SH2B3: variants seen among roughly 807,000 people sequenced by gnomAD.
SH2B3 encodes the protein SH2B adapter protein 3.
SH2B3 carries 43 observed loss-of-function variants against 51.9 expected under a neutral mutation model. That is an observed-to-expected ratio of 0.83 (90% confidence interval 0.65 to 1.07). SH2B3 has a LOEUF of 1.07. Ranked by LOEUF, SH2B3 falls within the 50% of genes least tolerant of loss-of-function variation. SH2B3 has a pLI of 0.00. For missense variants in SH2B3, 952 were observed against 834.3 expected, an observed-to-expected ratio of 1.14 and a Z score of -1.74; for synonymous variants, 396 against 376.0, an observed-to-expected ratio of 1.05 and a Z score of -0.62.
chr12:111,447,695 G>C lies in SH2B3; in HGVS notation c.1276G>C (p.Val426Leu), dbSNP rs765012848. 3 of 1,613,650 alleles carry C rather than the reference G, an allele frequency of 1.9e-6. No homozygotes were observed. Among genetic ancestry groups the C allele is most frequent in the Non-Finnish European group, 8.5e-7 (1 of 1,179,912 alleles). Residue 426 changes from valine (V) to leucine (L), a missense_variant, in exon 7 of 8, where the codon GTG becomes CTG. Val to Leu is a conservative substitution (Grantham distance 32, BLOSUM62 1). Coordinates refer to ENST00000341259, the MANE Select transcript of SH2B3 (RefSeq NM_005475.3). ...GCTGACAGAGCGGGGCCAGTGCCGT[G>C]TGCAGCACCTCCACTTTCCCTCGGT... ...LSLTERGQCR[V>L]QHLHFPSVVD... is the part of the protein sequence containing the mutation.
chr12:111,408,871 G>A (rs993231010), intron 1 of SH2B3, among the ~76,000 whole-genome samples: 4 of 152,216 alleles, frequency 2.6e-5, no homozygotes, highest in African/African-American at 9.7e-5. Flanking sequence ...ATCTGTGAAA[G>A]GCTTTAACAG....
intron 1 of SH2B3, among the ~76,000 whole-genome samples, chr12:111,417,098 G>A (rs1287552351): frequency 1.3e-5 from 2 of 152,192 alleles, no homozygotes; most frequent in African/African-American, 2.4e-5. Context: ...TAGCCCTGGA[G>A]CTCTCCCAGA....
chr12:111,421,706 C>A (rs1190096678), intron 2 of SH2B3, among the ~76,000 whole-genome samples: 3 of 152,096 alleles, frequency 2.0e-5, no homozygotes, highest in Non-Finnish European at 2.9e-5. Flanking sequence ...CATGAGCCAC[C>A]ACGCCCAGCC....
chr12:111,418,805 G>A lies in SH2B3; in HGVS notation c.660G>A (p.Gly220=), dbSNP rs1158225141. 2 of 1,445,168 alleles carry A rather than the reference G, an allele frequency of 1.4e-6. No homozygotes were observed. Among genetic ancestry groups the A allele is most frequent in the Non-Finnish European group, 9.0e-7 (1 of 1,110,686 alleles). The allele number at this position is 1,445,168 out of a possible 1,614,324, so 89.5% of individuals were successfully genotyped here. Residue 220 remains glycine (G), a synonymous_variant, in exon 2 of 8, where the codon GGG becomes GGA. Coordinates refer to ENST00000341259, the MANE Select transcript of SH2B3 (RefSeq NM_005475.3). This position sits in a 1 kb window ranked among gnomAD's most constrained non-coding sequence, Gnocchi z 6.7. The part of the protein sequence containing the change: ...SMDSGARWQR[G]RLALRRAPGP... ...ACAGCGGGGCACGCTGGCAGCGCGG[G>A]AGGCTGGCGCTGCGCCGGGCCCCGG... is the stretch of plus-strand genomic sequence containing the variant.
chr12:111,429,708 G>T lies in SH2B3; in HGVS notation c.732+10831G>T, dbSNP rs994871759. 1.3e-5 allele frequency among the ~76,000 whole-genome samples: 2 copies of T among 152,170 alleles called. No individual in the cohort carries two copies. The highest frequency in any genetic ancestry group is 2.9e-5 in the Non-Finnish European group (2 of 68,030). The stretch of plus-strand genomic sequence containing the variant: ...CCATGGAATCCTTATCACAAACCCC[G>T]GAGGTGGGGACAGTGATGAAGCCAT... On this transcript the variant is annotated intron_variant, in intron 2 of 7. Transcript: ENST00000341259. This position sits in a 1 kb window ranked among gnomAD's most constrained non-coding sequence, Gnocchi z 4.4.
Position 111,449,559 on chromosome 12 carries a change from C to CTCTA in SH2B3, c.*1263_*1266dup, listed in dbSNP as rs143559288. 187 of 152,396 alleles carry CTCTA rather than the reference C, an allele frequency of 1.2e-3. No individual in the cohort carries two copies. Among genetic ancestry groups the CTCTA allele is most frequent in the African/African-American group, 4.3e-3 (179 of 41,570 alleles). The allele number at this position is 152,396 out of a possible 1,614,324, so 9.4% of individuals were successfully genotyped here. A position where few individuals can be genotyped will look rare whatever the true frequency, so the allele number is the denominator to read the frequency against. On this transcript the variant is annotated 3_prime_UTR_variant, in exon 8 of 8. Transcript: ENST00000341259. ...ATCCAGGGAGGTCCTGAAGTCAAAT[C>CTCTA]TCTATCTATACAAGTGATACAATTC... is the stretch of plus-strand genomic sequence containing the variant.
At chr12:111,421,860 C>G (rs550118202) in intron 2 of SH2B3, among the ~76,000 whole-genome samples, 1 of 152,322 alleles carries the variant, frequency 6.6e-6, no homozygotes, top group Non-Finnish European at 1.5e-5. Flanking sequence ...AAGTTTGCAT[C>G]TAAGTCTAAA....
At chr12:111,440,268 C>A (rs1873279250) in intron 2 of SH2B3, among the ~76,000 whole-genome samples, 1 of 152,224 alleles carries the variant, frequency 6.6e-6, no homozygotes, top group African/African-American at 2.4e-5. Context: ...CCACGTGAGG[C>A]TCACACACAC....
At chr12:111,408,082 T>G (rs1870388533) in intron 1 of SH2B3, among the ~76,000 whole-genome samples, 1 of 152,202 alleles carries the variant, frequency 6.6e-6, no homozygotes, top group South Asian at 2.1e-4. Context: ...TTATTGGCTA[T>G]GAGGTGTTCC....
intron 2 of SH2B3, chr12:111,444,953 T>C: frequency 1.2e-6 from 1 of 867,560 alleles, no homozygotes. Flanking sequence ...CTGTGGGGAG[T>C]TGGGGAAGAA....
At chr12:111,445,579 G>A (rs560498776) in intron 2 of SH2B3, among the ~76,000 whole-genome samples, 1 of 152,334 alleles carries the variant, frequency 6.6e-6, no homozygotes, top group Admixed American at 6.5e-5. Flanking sequence ...GTGAGCTGTG[G>A]CCAGTGTTGG....
intron 1 of SH2B3, among the ~76,000 whole-genome samples, chr12:111,412,682 G>A (rs544475759): frequency 8.5e-5 from 13 of 152,240 alleles, no homozygotes; most frequent in South Asian, 2.1e-4. Flanking sequence ...CAGTCTTCCC[G>A]CCTCAGCCTC....
rs1874388422 is a variant in SH2B3 at position 111,449,525 on chromosome 12, A to G, written c.*1223A>G. On this transcript the variant is annotated 3_prime_UTR_variant, in exon 8 of 8. Coordinates refer to ENST00000341259, the MANE Select transcript of SH2B3 (RefSeq NM_005475.3). ...CTCCTTGCACACATGGGCACACACAATCTCCACCATCCAGGGAGGTCCTGA... is the reference window on the plus strand; with the variant it reads ...CTCCTTGCACACATGGGCACACACAGTCTCCACCATCCAGGGAGGTCCTGA... 1 of 152,214 alleles carries G rather than the reference A, an allele frequency of 6.6e-6. No homozygotes were observed. The highest frequency in any genetic ancestry group is 1.5e-5 in the Non-Finnish European group (1 of 68,116). 9.4% of individuals were successfully genotyped at this position (152,214 alleles called of 1,614,324 possible).
rs1462107794 is a variant in SH2B3, at chr12:111,406,578, G to A, written c.-28+301G>A. Among the ~76,000 whole-genome samples, 1 of 152,208 alleles carries A rather than the reference G, an allele frequency of 6.6e-6. No individual in the cohort carries two copies. The highest frequency in any genetic ancestry group is 2.4e-5 in the African/African-American group (1 of 41,462). ...CAGCCCACCCTACGGTAGCCTCGCC[G>A]GTTGGGGGCGGCCCTCCCCTCAACT... On this transcript the variant is annotated intron_variant, in intron 1 of 7. Transcript: ENST00000341259. The surrounding 1 kb of genome is among the most constrained non-coding windows in gnomAD (Gnocchi z 5.7).
intron 2 of SH2B3, among the ~76,000 whole-genome samples, chr12:111,445,093 AG>A (rs1445826420): frequency 1.1e-4 from 17 of 152,258 alleles, no homozygotes; most frequent in African/African-American, 4.1e-4. Context: ...GCTGGCTTGC[AG>A]GGGCCAGAGT....
At position 111,447,045 on chromosome 12, in the gene SH2B3, G is replaced by A. The variant is rs887260092; in HGVS notation, c.926+12G>A. The stretch of plus-strand genomic sequence containing the variant: ...TGCACAGGCCGAGGGTGAGGTCCTG[G>A]GCCCTCGTCCCTGGCACCACCTTTG... On this transcript the variant is annotated intron_variant, in intron 4 of 7. Transcript: ENST00000341259. 6.2e-7 allele frequency: 1 copy of A among 1,612,152 alleles called. No individual in the cohort carries two copies. Among genetic ancestry groups the A allele is most frequent in the Non-Finnish European group, 8.5e-7 (1 of 1,178,272 alleles).
chr12:111,448,600 G>A lies in SH2B3; in HGVS notation c.*298G>A, dbSNP rs922869125. 4 of 340,360 alleles carry A rather than the reference G, an allele frequency of 1.2e-5. No homozygotes were observed. The highest frequency in any genetic ancestry group is 8.4e-5 in the African/African-American group (4 of 47,866). 21.1% of individuals were successfully genotyped at this position (340,360 alleles called of 1,614,324 possible). A position where few individuals can be genotyped will look rare whatever the true frequency, so the allele number is the denominator to read the frequency against. On this transcript the variant is annotated 3_prime_UTR_variant, in exon 8 of 8. Coordinates refer to ENST00000341259, the MANE Select transcript of SH2B3 (RefSeq NM_005475.3). ...GTCCCCGTTACTCTTAGAGAAAGGA[G>A]TTGGGGTGAGGGCCAGAGCTGGCAG...
In SH2B3 at chr12:111,448,394, A is replaced by C. The variant is rs1278594171; in HGVS notation, c.*92A>C. The C allele has an allele frequency of 1.1e-5, 11 of 1,028,510 alleles. No individual in the cohort carries two copies. The African/African-American group carries it at 1.6e-4, about 15-fold the overall frequency. 63.7% of individuals were successfully genotyped at this position (1,028,510 alleles called of 1,614,324 possible). A position where few individuals can be genotyped will look rare whatever the true frequency, so the allele number is the denominator to read the frequency against. On this transcript the variant is annotated 3_prime_UTR_variant, in exon 8 of 8. Coordinates refer to ENST00000341259, the MANE Select transcript of SH2B3 (RefSeq NM_005475.3). Reference sequence around the variant, plus strand: ...ATGTAATTGATCTTTCCTTCCTTCCAGAGAAAGATTTAAGGGACACTGTTA... The same window carrying C: ...ATGTAATTGATCTTTCCTTCCTTCCCGAGAAAGATTTAAGGGACACTGTTA...
At chr12:111,433,086 T>TA (rs1872608931) in intron 2 of SH2B3, among the ~76,000 whole-genome samples, 1 of 152,226 alleles carries the variant, frequency 6.6e-6, no homozygotes, top group Non-Finnish European at 1.5e-5. Flanking sequence ...GCACGGTGGC[T>TA]AACGCCAGTA....
Sources: gnomAD v4.1 joint callset for allele counts (sites outside exome capture counted in the v4.1 genomes callset) on GRCh38, gnomAD v4.1.1 for gene constraint, Gnocchi (gnomAD v3.1) non-coding constraint, MANE v1.5 for transcripts, NCBI Gene and HGNC (gene_info 2026-07-23, HGNC 2026-07-21) for gene names.